Variants in CWC22 observed in about 807,000 individuals in gnomAD.
CWC22 encodes CWC22 spliceosome associated protein.
In CWC22, 53 loss-of-function variants were observed where a neutral mutation model predicts 117.2. That is an observed-to-expected ratio of 0.45 (90% CI 0.36 to 0.57). CWC22 has a LOEUF of 0.57. CWC22 is among the 20% of genes least tolerant of loss of function. The pLI, the probability that CWC22 is intolerant of heterozygous loss-of-function variation, is 0.00. For missense variants in CWC22, 980 were observed against 1,068.8 expected (o/e 0.92, Z 1.16); for synonymous variants, 360 against 355.6 (o/e 1.01, Z -0.14).
chr2:180,000,195 A>C (rs539794249), intron 1 of CWC22, among the ~76,000 whole-genome samples: 5 of 152,318 alleles, frequency 3.3e-5, no homozygotes, highest in African/African-American at 1.2e-4. Flanking sequence ...AGGCCAAAAA[A>C]TTATAATTTG....
intron 15 of CWC22, 146 bp downstream of exon 15, chr2:179,954,809 AAG>A: frequency 1.7e-6 from 1 of 572,432 alleles, no homozygotes; most frequent in Non-Finnish European, 3.1e-6. Context: ...GAGGAAGGTG[AAG>A]AGAGTGGGAA....
chr2:179,989,749 T>A (rs1253191037), intron 2 of CWC22, among the ~76,000 whole-genome samples: 1 of 152,108 alleles, frequency 6.6e-6, no homozygotes, highest in East Asian at 1.9e-4. Flanking sequence ...ATAGGTAAAA[T>A]TTTTTATATA....
chr2:179,950,423 TAAAC>T (rs1480369983), intron 19 of CWC22, 85 bp downstream of exon 19: 4 of 813,786 alleles, frequency 4.9e-6, no homozygotes, highest in Non-Finnish European at 7.7e-6. Context: ...CTAAGACAAA[TAAAC>T]AATCAAATTA....
intron 5 of CWC22, 121 bp downstream of exon 5, chr2:179,981,631 T>C (rs920362407): frequency 2.2e-5 from 16 of 740,008 alleles, no homozygotes; most frequent in South Asian, 1.5e-4. Context: ...GGTCTCTAAT[T>C]TGAGGTCTCT....
At chr2:179,995,761 G>A (rs13018783) in intron 1 of CWC22, among the ~76,000 whole-genome samples, 21,708 of 152,164 alleles carry the variant, frequency 0.14, 1,937 homozygotes, top group Admixed American at 0.29. Flanking sequence ...AGCAACATGA[G>A]TGAGTTATCC....
chr2:179,985,805 A>G (rs1687404421), intron 4 of CWC22, among the ~76,000 whole-genome samples: 1 of 149,644 alleles, frequency 6.7e-6, no homozygotes, highest in African/African-American at 2.4e-5. Flanking sequence ...GTATGTATGT[A>G]TTGGAAAAAA....
At chr2:179,999,433 T>TA (rs201078971) in intron 1 of CWC22, among the ~76,000 whole-genome samples, 2 of 151,926 alleles carry the variant, frequency 1.3e-5, no homozygotes, top group African/African-American at 4.8e-5. Flanking sequence ...AGAGCACTAT[T>TA]AAAAAAAAGA....
intron 4 of CWC22, among the ~76,000 whole-genome samples, chr2:179,984,073 T>C (rs1687354718): frequency 6.6e-6 from 1 of 152,138 alleles, no homozygotes; most frequent in Non-Finnish European, 1.5e-5. Context: ...CTTCATAGTG[T>C]GACTGTGTGG....
chr2:179,964,719 A>T (rs978027312), intron 12 of CWC22, 91 bp from the exon 13 acceptor site: 8 of 597,802 alleles, frequency 1.3e-5, no homozygotes, highest in Non-Finnish European at 2.0e-5. Context: ...TCAAAAATCT[A>T]TTTAGAATCA....
chr2:179,983,941 A>AC (rs1301656594), intron 4 of CWC22, among the ~76,000 whole-genome samples: 1 of 152,154 alleles, frequency 6.6e-6, no homozygotes, highest in Non-Finnish European at 1.5e-5. Context: ...ATAAAATCAG[A>AC]TCCCTACCAT....
In CWC22 at chr2:179,952,520, G is replaced by A. The variant is rs766283004; in HGVS notation, c.1768C>T (p.Leu590=). ...RIFVKIFFQE[L]CEYMGLPKLN... Reference sequence around the variant, plus strand: ...TTAGGAAGACCCATGTATTCACACAGTTCCTGGAAAAATATTTTGACAAAA... The same window carrying A: ...TTAGGAAGACCCATGTATTCACACAATTCCTGGAAAAATATTTTGACAAAA... The change falls in exon 17 of 20, where the codon CTG becomes TTG. Residue 590 remains leucine, a synonymous_variant. Coordinates refer to ENST00000410053, the MANE Select transcript of CWC22 (RefSeq NM_020943.3). 6.4e-7 allele frequency: 1 copy of A among 1,565,426 alleles called. No individual in the cohort carries two copies. Among genetic ancestry groups the A allele is most frequent in the African/African-American group, 1.4e-5 (1 of 73,878 alleles).
In CWC22 at chr2:180,007,267, G is replaced by C. The variant is rs2255307; in HGVS notation, c.-514C>G. On this transcript the variant is annotated 5_prime_UTR_variant, in exon 1 of 20. Coordinates refer to ENST00000410053, the MANE Select transcript of CWC22 (RefSeq NM_020943.3). Reference sequence around the variant, plus strand: ...GTAGTCGATCCAGGCACACTGTCTTGTTGCCAAAATGGCGACAAAAAAGAG... The same window carrying C: ...GTAGTCGATCCAGGCACACTGTCTTCTTGCCAAAATGGCGACAAAAAAGAG... Among the ~76,000 whole-genome samples the C allele has an allele frequency of 0.35, 52,704 of 152,128 alleles. 9,603 individuals carry two copies. The highest frequency in any genetic ancestry group is 0.51 in the Admixed American group (7,794 of 15,294).
chr2:179,955,092 T>A, intron 14 of CWC22, 58 bp from the exon 15 acceptor site: 4 of 1,240,538 alleles, frequency 3.2e-6, no homozygotes, highest in South Asian at 1.3e-5. Context: ...AAATATTGTA[T>A]AATTTACCAG....
chr2:179,995,703 G>A (rs1268564231), intron 1 of CWC22, among the ~76,000 whole-genome samples: 2 of 152,200 alleles, frequency 1.3e-5, no homozygotes, highest in African/African-American at 4.8e-5. Context: ...ACTGGAGAAT[G>A]AACAAAAGCA....
intron 1 of CWC22, among the ~76,000 whole-genome samples, chr2:179,997,222 T>C (rs1687728580): frequency 1.3e-5 from 2 of 152,038 alleles, no homozygotes; most frequent in Non-Finnish European, 2.9e-5. Flanking sequence ...ATCTACACTA[T>C]GCAAGGTTTT....
chr2:179,960,292 T>C (rs959343604), intron 13 of CWC22, among the ~76,000 whole-genome samples: 1 of 151,996 alleles, frequency 6.6e-6, no homozygotes, highest in Admixed American at 6.6e-5. Flanking sequence ...CAAAGAGTGC[T>C]TCCCAATGCT....
chr2:179,986,795 G>A lies in CWC22; in HGVS notation c.106C>T (p.Gln36Ter). ...TCTCTATCCCGGGGGGATCGTTCTT[G>A]TTCTTCATATCTAACATAAAATAAG... is the stretch of plus-strand genomic sequence containing the variant. ...NSSPEDRYEE[Q>*]ERSPRDRDYF... Residue 36 changes from glutamine (Q) to a stop codon, truncating the protein, a stop_gained, in exon 4 of 20, where the codon CAA (glutamine) becomes TAA (stop). Coordinates refer to ENST00000410053, the MANE Select transcript of CWC22 (RefSeq NM_020943.3). LOFTEE classifies it high-confidence loss of function. 6.4e-7 allele frequency: 1 copy of A among 1,564,740 alleles called. No homozygotes were observed. The highest frequency in any genetic ancestry group is 8.7e-7 in the Non-Finnish European group (1 of 1,153,030).
intron 5 of CWC22, 112 bp from the exon 6 acceptor site, chr2:179,978,430 C>T (rs1420432849): frequency 2.4e-5 from 28 of 1,173,900 alleles, no homozygotes; most frequent in South Asian, 2.0e-4. Context: ...TTTCATGAAA[C>T]GACCCCCAAG....
intron 1 of CWC22, 129 bp from the exon 2 acceptor site, chr2:179,993,583 T>A: frequency 2.1e-6 from 1 of 476,998 alleles, no homozygotes; most frequent in Non-Finnish European, 3.7e-6. Context: ...TAATAAAAAT[T>A]GTAAAAATCC....
Sources: allele counts gnomAD v4.1 joint callset (sites outside exome capture counted in the v4.1 genomes callset), GRCh38; gene constraint gnomAD v4.1.1; transcripts MANE v1.5; gene names NCBI Gene and HGNC (gene_info 2026-07-23, HGNC 2026-07-21).